The following BCAS4 variants were observed in gnomAD, a reference collection of about 807,000 sequenced individuals.
The protein encoded by BCAS4 is breast carcinoma amplified sequence 4, also known as breast carcinoma-amplified sequence 4.
Under a neutral mutation model 15.7 loss-of-function variants are expected in BCAS4, and 9 were observed. The observed-to-expected ratio is 0.57, with a 90% CI of 0.34 to 1.00. The LOEUF is 1.00. BCAS4 is among the 50% of genes least tolerant of loss of function. BCAS4 has a pLI of 0.02. For missense variants in BCAS4, 225 were observed against 239.1 expected (o/e 0.94, Z 0.39); for synonymous variants, 101 against 99.5 (o/e 1.02, Z -0.09).
rs1250507592 is a variant in BCAS4, at chr20:50,851,063, C to G, written c.399+9163C>G. Among the ~76,000 whole-genome samples, 1 of 4,510 alleles carries G rather than the reference C, an allele frequency of 2.2e-4. No individual in the cohort carries two copies. Among genetic ancestry groups the G allele is most frequent in the Non-Finnish European group, 4.0e-4 (1 of 2,492 alleles). 3.0% of individuals were successfully genotyped at this position (4,510 alleles called of 152,430 possible). On this transcript the variant is annotated intron_variant, in intron 4 of 4. Coordinates refer to ENST00000371608, the MANE Select transcript of BCAS4 (RefSeq NM_198799.4). The surrounding 1 kb of genome is among the most constrained non-coding windows in gnomAD (Gnocchi z 4.3). ...CCTCCTCTCCCCTTCCTGTCCAGCC[C>G]TGCAAGTGGTGGGGGGTGCTGGGTC...
chr20:50,809,252 C>T (rs895224336), intron 1 of BCAS4, among the ~76,000 whole-genome samples: 3 of 151,638 alleles, frequency 2.0e-5, no homozygotes, highest in Admixed American at 6.6e-5. Context: ...TCTTGTTGCT[C>T]AGGCTGGAGT....
At chr20:50,806,068 T>C (rs916048873) in intron 1 of BCAS4, among the ~76,000 whole-genome samples, 3 of 152,130 alleles carry the variant, frequency 2.0e-5, no homozygotes, top group Admixed American at 6.5e-5. Context: ...ATTACCTGCA[T>C]GGCTTCGGTG....
At chr20:50,847,491 T>A (rs2088560871) in intron 4 of BCAS4, among the ~76,000 whole-genome samples, 1 of 152,204 alleles carries the variant, frequency 6.6e-6, no homozygotes. Context: ...GAGCCAGCCC[T>A]GCTGTGCCAG....
chr20:50,873,032 C>T (rs1325336971), intron 4 of BCAS4, among the ~76,000 whole-genome samples: 1 of 152,228 alleles, frequency 6.6e-6, no homozygotes, highest in African/African-American at 2.4e-5. Flanking sequence ...GAGCTTGTCT[C>T]CCTGCGACCC....
chr20:50,866,126 C>A (rs532882758), intron 4 of BCAS4, among the ~76,000 whole-genome samples: 1 of 152,316 alleles, frequency 6.6e-6, no homozygotes, highest in South Asian at 2.1e-4. Flanking sequence ...TCTCTCCAAG[C>A]CCGCTTTCTC....
chr20:50,803,059 C>T (rs1048759913), intron 1 of BCAS4, among the ~76,000 whole-genome samples: 25 of 151,754 alleles, frequency 1.6e-4, no homozygotes, highest in African/African-American at 6.1e-4. Context: ...TATGCACCTA[C>T]AGTCCCAGCT....
intron 4 of BCAS4, among the ~76,000 whole-genome samples, chr20:50,853,139 ATTTTTTTT>A (rs35651267): frequency 9.4e-6 from 1 of 106,906 alleles, no homozygotes; most frequent in Admixed American, 1.0e-4. Context: ...ATCCCCTTTC[ATTTTTTTT>A]TTTTTTTTTT....
rs151001640 is a variant in BCAS4, at chr20:50,838,274, A to T, written c.265-3492A>T. On this transcript the variant is annotated intron_variant, in intron 3 of 4. Transcript: ENST00000371608. The stretch of plus-strand genomic sequence containing the variant: ...CTGACTCAGCAGCTTCTGTTTTAGA[A>T]CCCACATTCTAAAGGGCGTGGACCA... 9.9e-5 allele frequency among the ~76,000 whole-genome samples: 15 copies of T among 152,248 alleles called. No individual in the cohort carries two copies. The East Asian group carries it at 1.5e-3, about 16-fold the overall frequency.
At chr20:50,829,341 C>T (rs1393792611) in intron 2 of BCAS4, among the ~76,000 whole-genome samples, 2 of 152,152 alleles carry the variant, frequency 1.3e-5, no homozygotes, top group African/African-American at 4.8e-5. Context: ...CTCCCGGGTT[C>T]AAGCGATTCT....
chr20:50,858,725 ATTTTT>A (rs58684022), intron 4 of BCAS4, among the ~76,000 whole-genome samples: 2 of 117,624 alleles, frequency 1.7e-5, no homozygotes, highest in African/African-American at 6.9e-5. Context: ...TTTTTCTTGA[ATTTTT>A]TTTTTTTTTT....
intron 1 of BCAS4, among the ~76,000 whole-genome samples, chr20:50,804,161 C>T (rs975353190): frequency 6.6e-6 from 1 of 152,160 alleles, no homozygotes; most frequent in African/African-American, 2.4e-5. Flanking sequence ...GCTTCAGCCT[C>T]CCAAATAGCT....
chr20:50,848,432 C>T (rs2088573788), intron 4 of BCAS4, among the ~76,000 whole-genome samples: 1 of 152,158 alleles, frequency 6.6e-6, no homozygotes, highest in South Asian at 2.1e-4. Flanking sequence ...CTGCAACACA[C>T]CTGAGCTTGG....
chr20:50,814,732 G>A (rs1569021767), intron 1 of BCAS4, among the ~76,000 whole-genome samples: 1 of 152,234 alleles, frequency 6.6e-6, no homozygotes, highest in Non-Finnish European at 1.5e-5. Context: ...GAGGGAAATA[G>A]TAGCACCTAC....
intron 1 of BCAS4, among the ~76,000 whole-genome samples, chr20:50,800,265 G>A (rs181266314): frequency 1.3e-5 from 2 of 152,172 alleles, no homozygotes; most frequent in African/African-American, 4.8e-5. Flanking sequence ...GGCTGGCTGA[G>A]GAGAAAAATA....
At chr20:50,855,059 C>T (rs552551697) in intron 4 of BCAS4, among the ~76,000 whole-genome samples, 3 of 152,324 alleles carry the variant, frequency 2.0e-5, no homozygotes, top group South Asian at 2.1e-4. Context: ...GGGCTAGCCA[C>T]GCCCACCTGG....
intron 2 of BCAS4, among the ~76,000 whole-genome samples, chr20:50,819,763 A>T (rs1220623761): frequency 1.3e-5 from 2 of 150,596 alleles, no homozygotes; most frequent in African/African-American, 2.4e-5. Flanking sequence ...CACGCATTGG[A>T]CTCTTTCTTT....
intron 4 of BCAS4, among the ~76,000 whole-genome samples, chr20:50,875,035 G>A (rs2122695950): frequency 6.6e-6 from 1 of 152,150 alleles, no homozygotes; most frequent in South Asian, 2.1e-4. Context: ...TAGCCCGGGA[G>A]CCCTCTCCTT....
chr20:50,859,974 C>CA (rs1382741543), intron 4 of BCAS4, among the ~76,000 whole-genome samples: 6 of 151,540 alleles, frequency 4.0e-5, no homozygotes, highest in Non-Finnish European at 5.9e-5. Flanking sequence ...ACCCCCATCT[C>CA]AAAAGAAAAG....
downstream of BCAS4, chr20:50,878,711 G>A (rs920061695): frequency 6.6e-6 from 1 of 152,092 alleles, no homozygotes; most frequent in Non-Finnish European, 1.5e-5. Flanking sequence ...TGTTGTTCAG[G>A]CTGGTCTTGA....
Sources: allele counts gnomAD v4.1 joint callset (sites outside exome capture counted in the v4.1 genomes callset), GRCh38; gene constraint gnomAD v4.1.1; non-coding constraint Gnocchi (gnomAD v3.1); transcripts MANE v1.5; gene names NCBI Gene and HGNC (gene_info 2026-07-23, HGNC 2026-07-21).